The following CSMD1 variants were observed in gnomAD, a reference collection of about 807,000 sequenced individuals.
The protein encoded by CSMD1 is CUB and sushi domain-containing protein 1.
In CSMD1, 213 loss-of-function variants were observed where a neutral mutation model predicts 417.5. The ratio of observed to expected loss-of-function variants is 0.51; its 90% CI spans 0.46 to 0.57. The LOEUF is 0.57. Ranked by LOEUF, CSMD1 falls within the 20% of genes least tolerant of loss-of-function variation. CSMD1 has a pLI of 0.00. For missense variants in CSMD1, 6,923 were observed against 4,529.7 expected, an observed-to-expected ratio of 1.53 and a Z score of -15.17; for synonymous variants, 2,862 against 1,736.8, an observed-to-expected ratio of 1.65 and a Z score of -16.11.
intron 30 of CSMD1, 100 bp downstream of exon 30, chr8:3,214,397 T>C (rs1797778300): frequency 1.0e-6 from 1 of 998,208 alleles, no homozygotes; most frequent in Non-Finnish European, 1.4e-6. Context: ...TCACCACCGA[T>C]GAGAGGAATA....
chr8:3,228,073 C>G (rs541363672), intron 27 of CSMD1, among the ~76,000 whole-genome samples: 2 of 152,192 alleles, frequency 1.3e-5, no homozygotes, highest in East Asian at 3.9e-4. Flanking sequence ...CAGACTAAAA[C>G]ATTTTAAAAT....
At chr8:4,928,459 G>C (rs1321344387) in intron 1 of CSMD1, among the ~76,000 whole-genome samples, 2 of 152,146 alleles carry the variant, frequency 1.3e-5, no homozygotes, top group African/African-American at 4.8e-5. Context: ...GTGCACCATA[G>C]GGGCTCAGAG....
intron 5 of CSMD1, among the ~76,000 whole-genome samples, chr8:3,982,448 C>T (rs1293330360): frequency 6.6e-6 from 1 of 151,916 alleles, no homozygotes; most frequent in Non-Finnish European, 1.5e-5. Context: ...ATAGAAAGAT[C>T]TTAACTCACA....
intron 10 of CSMD1, among the ~76,000 whole-genome samples, chr8:3,552,282 A>T (rs1472949279): frequency 6.6e-6 from 1 of 152,218 alleles, no homozygotes; most frequent in East Asian, 1.9e-4. Flanking sequence ...TACTAATCTA[A>T]ATATGCATCA....
At chr8:3,111,112 G>A (rs1226019759) in intron 42 of CSMD1, among the ~76,000 whole-genome samples, 1 of 152,284 alleles carries the variant, frequency 6.6e-6, no homozygotes, top group South Asian at 2.1e-4. Context: ...AGAGGTGTGA[G>A]ATGAGTGTTC....
intron 2 of CSMD1, among the ~76,000 whole-genome samples, chr8:4,467,920 G>C (rs1322152567): frequency 1.3e-5 from 2 of 152,268 alleles, no homozygotes; most frequent in African/African-American, 4.8e-5. Context: ...GATCCAAACA[G>C]TTGGAATTCC....
chr8:4,481,646 G>T (rs991644732), intron 2 of CSMD1, among the ~76,000 whole-genome samples: 1 of 152,070 alleles, frequency 6.6e-6, no homozygotes, highest in South Asian at 2.1e-4. Flanking sequence ...AGCACCAAGA[G>T]GTTAAATACC....
At chr8:4,980,682 C>T (rs1264395028) in intron 1 of CSMD1, among the ~76,000 whole-genome samples, 1 of 152,276 alleles carries the variant, frequency 6.6e-6, no homozygotes, top group African/African-American at 2.4e-5. Flanking sequence ...GTTGGTGGAT[C>T]ACTTGAGATC....
At chr8:4,718,192 G>T (rs560265706) in intron 1 of CSMD1, among the ~76,000 whole-genome samples, 1 of 152,068 alleles carries the variant, frequency 6.6e-6, no homozygotes, top group African/African-American at 2.4e-5. Context: ...GCCCAGGCTG[G>T]TCTCAAACTC....
At chr8:4,252,789 C>A (rs1803170345) in intron 3 of CSMD1, among the ~76,000 whole-genome samples, 1 of 152,202 alleles carries the variant, frequency 6.6e-6, no homozygotes, top group African/African-American at 2.4e-5. Flanking sequence ...ACATTTATGC[C>A]TCTTCTGTAC....
At chr8:4,870,877 T>G (rs762276564) in intron 1 of CSMD1, among the ~76,000 whole-genome samples, 4 of 152,128 alleles carry the variant, frequency 2.6e-5, no homozygotes, top group Non-Finnish European at 5.9e-5. Context: ...AGTTCCTGAT[T>G]GTGTCACCTG....
chr8:4,402,795 TTTTTC>T (rs1804732442), intron 3 of CSMD1, among the ~76,000 whole-genome samples: 2 of 123,612 alleles, frequency 1.6e-5, no homozygotes, highest in Non-Finnish European at 3.2e-5. Context: ...TGTCCTCACT[TTTTTC>T]TTTTTTTTTT....
At position 4,310,527 on chromosome 8, in the gene CSMD1, A is replaced by ATCTT. The variant is rs1798501751; in HGVS notation, c.415+109422_415+109425dup. 4.7e-5 allele frequency among the ~76,000 whole-genome samples: 4 copies of ATCTT among 85,950 alleles called. No homozygotes were observed. In the South Asian group the frequency reaches 1.4e-3, roughly 30 times the overall value. The allele number at this position is 85,950 out of a possible 152,430, so 56.4% of individuals were successfully genotyped here. A position where few individuals can be genotyped will look rare whatever the true frequency, so the allele number is the denominator to read the frequency against. On this transcript the variant is annotated intron_variant, in intron 3 of 69. Transcript: ENST00000635120. ...TCTTTTCTTCCACATTAAATAAAAT[A>ATCTT]TCTTTGGACACAATAAAATCTCAAT...
chr8:4,067,241 G>T (rs760915880), intron 3 of CSMD1, among the ~76,000 whole-genome samples: 6 of 152,178 alleles, frequency 3.9e-5, no homozygotes, highest in Admixed American at 3.9e-4. Context: ...AGATGTTCAA[G>T]ACAGATAATT....
intron 3 of CSMD1, among the ~76,000 whole-genome samples, chr8:4,233,236 A>T (rs1466607143): frequency 1.3e-5 from 2 of 152,198 alleles, no homozygotes; most frequent in Non-Finnish European, 2.9e-5. Context: ...TGAAGTTAAC[A>T]CTGTTGTGAC....
At chr8:3,573,391 A>C (rs1439448934) in intron 10 of CSMD1, among the ~76,000 whole-genome samples, 2 of 152,212 alleles carry the variant, frequency 1.3e-5, no homozygotes, top group African/African-American at 4.8e-5. Context: ...GTACCACTGT[A>C]GTTGATGTCC....
intron 3 of CSMD1, among the ~76,000 whole-genome samples, chr8:4,077,440 G>A (rs1585263333): frequency 6.6e-6 from 1 of 151,324 alleles, no homozygotes; most frequent in African/African-American, 2.4e-5. Context: ...ATTAATTTGA[G>A]TATCCTATAC....
At chr8:4,125,608 G>C (rs915802443) in intron 3 of CSMD1, among the ~76,000 whole-genome samples, 1 of 152,156 alleles carries the variant, frequency 6.6e-6, no homozygotes, top group African/African-American at 2.4e-5. Context: ...AATTATAACT[G>C]AGGAAATTAT....
At chr8:3,724,594 G>A (rs1383897192) in intron 6 of CSMD1, among the ~76,000 whole-genome samples, 1 of 152,100 alleles carries the variant, frequency 6.6e-6, no homozygotes, top group Non-Finnish European at 1.5e-5. Context: ...AATTAGGGAG[G>A]GGGAATGAGA....
Sources: gnomAD v4.1 joint callset for allele counts (sites outside exome capture counted in the v4.1 genomes callset) on GRCh38, gnomAD v4.1.1 for gene constraint, MANE v1.5 for transcripts, NCBI Gene and HGNC (gene_info 2026-07-23, HGNC 2026-07-21) for gene names.